Variants in ANKRD29 observed in about 807,000 individuals in gnomAD.
The protein encoded by ANKRD29 is ankyrin repeat domain-containing protein 29.
In ANKRD29, 32 loss-of-function variants were observed where a neutral mutation model predicts 38.0. The observed-to-expected ratio is 0.84, with a 90% CI of 0.64 to 1.13. ANKRD29 has a LOEUF of 1.13. Among genes scored for constraint, ANKRD29 ranks in the 50% most tolerant of loss-of-function variants. ANKRD29 has a pLI of 0.00. For synonymous variants in ANKRD29, 135 were observed against 152.4 expected, an observed-to-expected ratio of 0.89 and a Z score of 0.84; for missense variants, 357 against 377.9, an observed-to-expected ratio of 0.94 and a Z score of 0.46.
At position 23,623,236 on chromosome 18, in the gene ANKRD29, T is replaced by G. The variant is rs79550367; in HGVS notation, c.529-3607A>C. 3.9e-5 allele frequency among the ~76,000 whole-genome samples: 6 copies of G among 152,292 alleles called. No individual in the cohort carries two copies. The East Asian group carries it at 9.6e-4, about 24-fold the overall frequency. ...CCATCGACCCTGTGAGATAACTGAC[T>G]GTGAGCAGGTAGGAATGAGTGGGAA... On this transcript the variant is annotated intron_variant, in intron 6 of 9. Coordinates refer to ENST00000592179, the MANE Select transcript of ANKRD29 (RefSeq NM_173505.4).
Position 23,614,909 on chromosome 18 carries a change from T to C in ANKRD29, c.724-2719A>G, listed in dbSNP as rs547473177. On this transcript the variant is annotated intron_variant, in intron 8 of 9. Transcript: ENST00000592179. ...ACAGTCCTAAAGCTAAGCCGCTGTG[T>C]CCATTTAGAACAGATTTGGTGTCCT... Among the ~76,000 whole-genome samples the C allele has an allele frequency of 4.6e-5, 7 of 152,290 alleles. 1 individual carries two copies. In the South Asian group the frequency reaches 1.5e-3, roughly 32 times the overall value.
intron 9 of ANKRD29, 54 bp from the exon 10 acceptor site, chr18:23,601,363 G>A (rs34292745): frequency 6.6e-7 from 1 of 1,516,588 alleles, no homozygotes; most frequent in Admixed American, 1.7e-5. Context: ...TGTGGTTTTA[G>A]GGACTCCAAA....
intron 6 of ANKRD29, among the ~76,000 whole-genome samples, chr18:23,628,984 A>C (rs575678223): frequency 6.6e-6 from 1 of 152,242 alleles, no homozygotes; most frequent in South Asian, 2.1e-4. Flanking sequence ...TTCTTTTTAA[A>C]AATCATTACT....
intron 6 of ANKRD29, among the ~76,000 whole-genome samples, chr18:23,620,563 C>T (rs183385882): frequency 2.9e-4 from 44 of 152,222 alleles, no homozygotes; most frequent in Admixed American, 1.8e-3. Flanking sequence ...GTGAGAGTGT[C>T]CACGTTTTCT....
chr18:23,642,631 G>C (rs1251767067), intron 3 of ANKRD29, among the ~76,000 whole-genome samples: 1 of 152,198 alleles, frequency 6.6e-6, no homozygotes, highest in Non-Finnish European at 1.5e-5. Flanking sequence ...AGCAACACTT[G>C]GGCAGAAGGC....
At position 23,660,793 on chromosome 18, in the gene ANKRD29, G is replaced by A. The variant is rs146596807; in HGVS notation, c.21+1917C>T. On this transcript the variant is annotated intron_variant, in intron 1 of 9. Coordinates refer to ENST00000592179, the MANE Select transcript of ANKRD29 (RefSeq NM_173505.4). ...CTGCACTCTAGCCTGGGTGACAAGAGCAAGACTTTGTCCAAACAAACAAAC... is the reference window on the plus strand; with the variant it reads ...CTGCACTCTAGCCTGGGTGACAAGAACAAGACTTTGTCCAAACAAACAAAC... Among the ~76,000 whole-genome samples the A allele has an allele frequency of 3.9e-4, 60 of 152,324 alleles. 4 individuals carry two copies. The highest frequency in any genetic ancestry group is 1.3e-3 in the African/African-American group (56 of 41,568).
At chr18:23,646,099 T>G in intron 3 of ANKRD29, 90 bp downstream of exon 3, 1 of 1,198,770 alleles carries the variant, frequency 8.3e-7, no homozygotes, top group Non-Finnish European at 1.2e-6. Context: ...AAAGCAATGA[T>G]GGCTCTTGTC....
Position 23,646,179 on chromosome 18 carries a change from C to T in ANKRD29, c.231+10G>A. On this transcript the variant is annotated intron_variant, in intron 3 of 9. Coordinates refer to ENST00000592179, the MANE Select transcript of ANKRD29 (RefSeq NM_173505.4). The stretch of plus-strand genomic sequence containing the variant: ...TGGTCATTTTTCTTCAAGTGCAAAG[C>T]CTGACCTACCTCTCTCTGGAGATTG... 1 of 1,613,736 alleles carries T rather than the reference C, an allele frequency of 6.2e-7. No homozygotes were observed. Among genetic ancestry groups the T allele is most frequent in the South Asian group, 1.1e-5 (1 of 91,058 alleles).
intron 5 of ANKRD29, among the ~76,000 whole-genome samples, chr18:23,632,780 A>T (rs1444952426): frequency 6.6e-6 from 1 of 152,126 alleles, no homozygotes; most frequent in Non-Finnish European, 1.5e-5. Context: ...GATCATTATC[A>T]AGTAATTCAA....
At chr18:23,648,682 TG>T (rs1484630569) in intron 2 of ANKRD29, 54 of 388,930 alleles carry the variant, frequency 1.4e-4, no homozygotes, top group Non-Finnish European at 1.8e-4. Context: ...CTTCAATTTT[TG>T]TTTTCTCATC....
intron 6 of ANKRD29, among the ~76,000 whole-genome samples, chr18:23,627,417 A>C (rs1160158361): frequency 6.6e-6 from 1 of 152,172 alleles, no homozygotes; most frequent in Non-Finnish European, 1.5e-5. Flanking sequence ...GGATCCCTGC[A>C]CTCAAAGACT....
At chr18:23,623,870 C>T (rs2059826782) in intron 6 of ANKRD29, among the ~76,000 whole-genome samples, 1 of 151,794 alleles carries the variant, frequency 6.6e-6, no homozygotes, top group Non-Finnish European at 1.5e-5. Context: ...GTCTCGATCT[C>T]CTGATCTTGT....
chr18:23,617,263 G>C (rs181468329), intron 8 of ANKRD29, among the ~76,000 whole-genome samples: 1 of 152,210 alleles, frequency 6.6e-6, no homozygotes, highest in East Asian at 1.9e-4. Context: ...CTTAAAAAAA[G>C]AGTTTTGGCT....
intron 1 of ANKRD29, among the ~76,000 whole-genome samples, chr18:23,658,075 C>A (rs759659136): frequency 2.6e-5 from 4 of 152,208 alleles, no homozygotes; most frequent in Non-Finnish European, 2.9e-5. Flanking sequence ...ACATGTATAT[C>A]CTATGCCTGT....
At chr18:23,656,517 T>A (rs1226631050) in intron 1 of ANKRD29, among the ~76,000 whole-genome samples, 1 of 152,172 alleles carries the variant, frequency 6.6e-6, no homozygotes, top group Admixed American at 6.6e-5. Flanking sequence ...CTACAAAACA[T>A]AACATCCTGT....
chr18:23,637,650 A>C (rs1487660626), intron 4 of ANKRD29, among the ~76,000 whole-genome samples: 1 of 152,032 alleles, frequency 6.6e-6, no homozygotes, highest in African/African-American at 2.4e-5. Context: ...CTCCTGCCTC[A>C]GCTTCCCAAA....
At chr18:23,640,336 G>A (rs1329040986) in intron 3 of ANKRD29, among the ~76,000 whole-genome samples, 9 of 152,158 alleles carry the variant, frequency 5.9e-5, no homozygotes, top group Non-Finnish European at 1.0e-4. Flanking sequence ...CCTGATGTTC[G>A]AAGCCACCTA....
intron 1 of ANKRD29, among the ~76,000 whole-genome samples, chr18:23,649,920 G>C (rs1465699797): frequency 6.6e-6 from 1 of 151,934 alleles, no homozygotes; most frequent in Non-Finnish European, 1.5e-5. Context: ...AGTAGAGACA[G>C]AGTTTCACCA....
chr18:23,625,229 G>A (rs1320446002), intron 6 of ANKRD29, among the ~76,000 whole-genome samples: 1 of 151,988 alleles, frequency 6.6e-6, no homozygotes, highest in Admixed American at 6.6e-5. Flanking sequence ...CCCTTGCACC[G>A]TGTGCCTGGC....
Sources: gnomAD v4.1 joint callset for allele counts (sites outside exome capture counted in the v4.1 genomes callset) on GRCh38, gnomAD v4.1.1 for gene constraint, MANE v1.5 for transcripts, NCBI Gene and HGNC (gene_info 2026-07-23, HGNC 2026-07-21) for gene names.